The following UNC80 variants were observed in gnomAD, a reference collection of about 807,000 sequenced individuals.
UNC80 encodes the protein unc-80 subunit of NALCN channel complex.
A neutral mutation model predicts 384.6 loss-of-function variants in UNC80; 164 were observed. The ratio of observed to expected loss-of-function variants is 0.43; its 90% confidence interval spans 0.38 to 0.49. The LOEUF (loss-of-function observed/expected upper bound fraction) is 0.49. Among genes scored for constraint, UNC80 ranks in the 20% least tolerant of loss-of-function variants. The pLI is 0.00. For synonymous variants in UNC80, 1,486 were observed against 1,527.8 expected (o/e 0.97, Z 0.64); for missense variants, 3,330 against 4,143.0 (o/e 0.80, Z 5.39).
chr2:209,885,306 A>G (rs2085684714), intron 25 of UNC80, among the ~76,000 whole-genome samples: 1 of 152,186 alleles, frequency 6.6e-6, no homozygotes, highest in South Asian at 2.1e-4. Flanking sequence ...AGCAAAATGT[A>G]AGAGGGTCCC....
At chr2:209,868,566 C>G (rs2084027694) in intron 22 of UNC80, among the ~76,000 whole-genome samples, 2 of 152,114 alleles carry the variant, frequency 1.3e-5, no homozygotes, top group African/African-American at 4.8e-5. Flanking sequence ...GCCTCACTTT[C>G]ATAAAGGAAG....
intron 31 of UNC80, among the ~76,000 whole-genome samples, chr2:209,915,964 A>G (rs996968251): frequency 6.6e-6 from 1 of 152,240 alleles, no homozygotes; most frequent in Non-Finnish European, 1.5e-5. Context: ...CATTCTATTC[A>G]TATAACAAAA....
chr2:209,943,582 G>C (rs2091761238), intron 45 of UNC80, 68 bp downstream of exon 45: 4 of 1,529,276 alleles, frequency 2.6e-6, no homozygotes, highest in Non-Finnish European at 3.5e-6. Context: ...TTATTTATTA[G>C]AGCTTACTAT....
At chr2:209,897,021 C>A (rs1308550705) in intron 28 of UNC80, among the ~76,000 whole-genome samples, 1 of 152,062 alleles carries the variant, frequency 6.6e-6, no homozygotes, top group Non-Finnish European at 1.5e-5. Flanking sequence ...CGGGGGTCAC[C>A]ATTCACCCTG....
intron 13 of UNC80, among the ~76,000 whole-genome samples, chr2:209,821,572 C>T (rs2080134676): frequency 6.6e-6 from 1 of 152,198 alleles, no homozygotes; most frequent in Non-Finnish European, 1.5e-5. Flanking sequence ...ACTAACTCTC[C>T]TAGCCTCATT....
At chr2:209,986,206 T>A (rs747776482) in intron 61 of UNC80, among the ~76,000 whole-genome samples, 25 of 152,204 alleles carry the variant, frequency 1.6e-4, no homozygotes, top group Admixed American at 6.5e-4. Flanking sequence ...AAGCAGGTAT[T>A]TAATGTTTAA....
chr2:209,900,715 C>G (rs1018343671), intron 28 of UNC80, among the ~76,000 whole-genome samples: 3 of 152,172 alleles, frequency 2.0e-5, no homozygotes, highest in Admixed American at 6.5e-5. Flanking sequence ...AGTTAGGCCT[C>G]TTGTACCAAA....
At chr2:209,911,249 T>C (rs10209514) in intron 29 of UNC80, among the ~76,000 whole-genome samples, 39,811 of 152,028 alleles carry the variant, frequency 0.26, 5,817 homozygotes, top group East Asian at 0.39. Flanking sequence ...TCCATATTAA[T>C]GTGGAAAACT....
At chr2:209,773,222 C>T (rs2076681684) in intron 2 of UNC80, 80 bp downstream of exon 2, 2 of 1,201,976 alleles carry the variant, frequency 1.7e-6, no homozygotes, top group East Asian at 2.4e-5. Context: ...TTAAATCAAA[C>T]GGACTATATA....
intron 21 of UNC80, among the ~76,000 whole-genome samples, chr2:209,848,501 A>G (rs968336287): frequency 6.6e-6 from 1 of 152,136 alleles, no homozygotes; most frequent in African/African-American, 2.4e-5. Context: ...GGTTCAATGG[A>G]TGCAAAATAT....
In UNC80 at chr2:209,972,250, A is replaced by G. The variant is rs749301296; in HGVS notation, c.8306A>G (p.Asn2769Ser). The change falls in exon 55 of 65, where the codon AAT (asparagine) becomes AGT (serine). Residue 2769 changes from asparagine (N) to serine (S), a missense_variant. By Grantham distance (46) the Asn-to-Ser change is conservative (BLOSUM62 1). Transcript: ENST00000673920. Reference sequence around the variant, plus strand: ...AGCCATGTGATCTCCCCATTCACCAATCAAGAGCGAAGGGAGGGGATGCTT... The same window carrying G: ...AGCCATGTGATCTCCCCATTCACCAGTCAAGAGCGAAGGGAGGGGATGCTT... ...PLSHVISPFT[N>S]QERREGMLLN... The G allele has an allele frequency of 1.6e-5, 25 of 1,551,540 alleles. No homozygotes were observed. The South Asian group carries it at 1.9e-4, about 12-fold the overall frequency.
rs764433859 is a variant in UNC80 at position 209,825,980 on chromosome 2, G to T, written c.2405G>T (p.Cys802Phe). 6 of 1,551,012 alleles carry T rather than the reference G, an allele frequency of 3.9e-6. No individual in the cohort carries two copies. The highest frequency in any genetic ancestry group is 5.2e-6 in the Non-Finnish European group (6 of 1,146,536). ...ATCAAAATAGTGAAGTCTTTGGGAT[G>T]TGCCTATGGTTGTGGTGAAGGACAC... ...MLIKIVKSLG[C>F]AYGCGEGHRG... is the part of the protein sequence containing the mutation. The change falls in exon 14 of 65, where the codon TGT becomes TTT. Residue 802 changes from cysteine (C) to phenylalanine (F), a missense_variant. By Grantham distance (205) the Cys-to-Phe change is radical. Transcript: ENST00000673920.
chr2:209,914,980 T>A (rs995443253), intron 31 of UNC80, among the ~76,000 whole-genome samples: 10 of 152,102 alleles, frequency 6.6e-5, no homozygotes, highest in African/African-American at 2.2e-4. Context: ...TGGTAAAATA[T>A]CTTTGTTCAC....
chr2:209,969,243 C>CA (rs1210443819), intron 52 of UNC80: 1 of 152,864 alleles, frequency 6.5e-6, no homozygotes, highest in African/African-American at 2.4e-5. Context: ...AGAAAGTAGC[C>CA]AAAAAATACA....
intron 38 of UNC80, among the ~76,000 whole-genome samples, chr2:209,933,288 A>G (rs1575064753): frequency 6.6e-6 from 1 of 152,124 alleles, no homozygotes; most frequent in South Asian, 2.1e-4. Flanking sequence ...TATGCAAACA[A>G]CCCAGCTGAT....
Position 209,976,172 on chromosome 2 carries a change from T to G in UNC80, c.8641T>G (p.Trp2881Gly). ...FERQLGSQWY[W>G]LSLQVKEMAL... ...GAGGCAGCTCGGAAGCCAGTGGTAC[T>G]GGCTGAGCCTCCAGGTGAAGGAGAT... The change falls in exon 57 of 65, where the codon TGG becomes GGG. Residue 2881 changes from tryptophan to glycine, a missense_variant. By Grantham distance (184) the Trp-to-Gly change is radical. Around this residue, in one of 8 missense-constraint regions of UNC80, gnomAD observed 1,049 missense variants for 1,488.6 expected, o/e 0.70. Coordinates refer to ENST00000673920, the MANE Select transcript of UNC80 (RefSeq NM_001371986.1). The surrounding 1 kb of genome is among the most constrained non-coding windows in gnomAD (Gnocchi z 4.3). 6.4e-7 allele frequency: 1 copy of G among 1,551,702 alleles called. No individual in the cohort carries two copies. The highest frequency in any genetic ancestry group is 8.7e-7 in the Non-Finnish European group (1 of 1,146,990).
rs1425956504 is a variant in UNC80 at position 209,994,283 on chromosome 2, C to G, written c.9708+19C>G. 1.3e-6 allele frequency: 2 copies of G among 1,540,118 alleles called. No homozygotes were observed. The highest frequency in any genetic ancestry group is 2.7e-5 in the African/African-American group (2 of 72,798). On this transcript the variant is annotated intron_variant, in intron 64 of 64. Coordinates refer to ENST00000673920, the MANE Select transcript of UNC80 (RefSeq NM_001371986.1). ...CAAGCAGGTGAGGGCACTAGAGAAA[C>G]AGGCAAGGCTTGCTCCCTGTGTACT... is the stretch of plus-strand genomic sequence containing the variant.
chr2:209,816,874 C>T (rs1278865540), intron 9 of UNC80, 35 bp from the exon 10 acceptor site: 3 of 1,542,814 alleles, frequency 1.9e-6, no homozygotes, highest in African/African-American at 1.4e-5. Flanking sequence ...CTTTTCTTTG[C>T]CCTGTGCCTA....
intron 5 of UNC80, 86 bp from the exon 6 acceptor site, chr2:209,789,446 C>A: frequency 4.5e-6 from 4 of 891,028 alleles, no homozygotes; most frequent in African/African-American, 1.7e-5. Context: ...ATTAAAATAG[C>A]TTTTCTATTT....
Sources: gnomAD v4.1 joint callset for allele counts (sites outside exome capture counted in the v4.1 genomes callset) on GRCh38, gnomAD v4.1.1 for gene constraint, gnomAD v4.1.1 regional missense constraint, Gnocchi (gnomAD v3.1) non-coding constraint, MANE v1.5 for transcripts, NCBI Gene and HGNC (gene_info 2026-07-23, HGNC 2026-07-21) for gene names.